Variants in ABLIM2 observed in about 807,000 individuals in gnomAD.
ABLIM2 encodes the protein actin binding LIM protein family member 2.
In ABLIM2, 53 loss-of-function variants were observed where a neutral mutation model predicts 97.7. That is an observed-to-expected ratio of 0.54 (90% CI 0.44 to 0.68). ABLIM2 has a LOEUF of 0.68. Ranked by LOEUF, ABLIM2 falls within the 30% of genes least tolerant of loss-of-function variation. ABLIM2 has a pLI of 0.00. For synonymous variants in ABLIM2, 361 were observed against 345.8 expected (o/e 1.04, Z -0.49); for missense variants, 835 against 867.2 (o/e 0.96, Z 0.47).
chr4:8,084,327 G>T (rs1821889951), intron 4 of ABLIM2, among the ~76,000 whole-genome samples: 2 of 152,184 alleles, frequency 1.3e-5, no homozygotes, highest in Non-Finnish European at 2.9e-5. Context: ...GGCGCACCCA[G>T]GGGTTCTCCT....
At chr4:8,039,874 GTTTTTTT>G (rs397947626) in intron 9 of ABLIM2, among the ~76,000 whole-genome samples, 37 of 108,630 alleles carry the variant, frequency 3.4e-4, no homozygotes, top group African/African-American at 1.2e-3. Flanking sequence ...GCTGATTACT[GTTTTTTT>G]TTTTTTTTTT....
intron 8 of ABLIM2, among the ~76,000 whole-genome samples, chr4:8,047,760 G>A (rs903242703): frequency 2.0e-5 from 3 of 152,210 alleles, no homozygotes; most frequent in Non-Finnish European, 2.9e-5. Context: ...CTCCCTGAAC[G>A]GGCTTACCGT....
chr4:8,099,433 G>T (rs931427829), intron 2 of ABLIM2, among the ~76,000 whole-genome samples: 1 of 152,168 alleles, frequency 6.6e-6, no homozygotes, highest in African/African-American at 2.4e-5. Flanking sequence ...CCAGTGCTGT[G>T]AGTCCACTCC....
In ABLIM2 at chr4:8,006,881, G is replaced by C. The variant is rs539364680; in HGVS notation, c.1618+1178C>G. ...CTCCCTCTGGGGGATTTTTGCAGGG[G>C]GGGGGTGGCTTTCCCATGGTGACAT... On this transcript the variant is annotated intron_variant, in intron 16 of 20. Coordinates refer to ENST00000447017, the MANE Select transcript of ABLIM2 (RefSeq NM_001130083.2). The C allele has an allele frequency of 5.0e-5, 19 of 377,750 alleles. 1 individual carries two copies. The South Asian group carries it at 1.1e-3, about 22-fold the overall frequency. 23.4% of individuals were successfully genotyped at this position (377,750 alleles called of 1,614,324 possible). A position where few individuals can be genotyped will look rare whatever the true frequency, so the allele number is the denominator to read the frequency against.
intron 16 of ABLIM2, 119 bp from the exon 17 acceptor site, chr4:7,993,046 CCCCCTGAGGACCATGACCTG>C: frequency 9.9e-7 from 1 of 1,010,202 alleles, no homozygotes; most frequent in South Asian, 1.4e-5. Context: ...ACAGGGGAGG[CCCCCTGAGGACCATGACCTG>C]CCTCAGTGGT....
At chr4:8,014,288 C>T (rs146054861) in intron 14 of ABLIM2, among the ~76,000 whole-genome samples, 1 of 152,374 alleles carries the variant, frequency 6.6e-6, no homozygotes, top group East Asian at 1.9e-4. Flanking sequence ...GCCCTCTCCA[C>T]TCCTGGGACT....
intron 17 of ABLIM2, among the ~76,000 whole-genome samples, chr4:7,991,674 C>G (rs1279211284): frequency 6.6e-6 from 1 of 152,200 alleles, no homozygotes; most frequent in Non-Finnish European, 1.5e-5. Context: ...CAGTTAGGCC[C>G]ATTCCAGAAT....
chr4:8,141,881 T>C (rs761022597), intron 1 of ABLIM2, among the ~76,000 whole-genome samples: 1 of 152,198 alleles, frequency 6.6e-6, no homozygotes, highest in Non-Finnish European at 1.5e-5. Context: ...GCCTGCACTT[T>C]GAGTAGAGAG....
intron 20 of ABLIM2, among the ~76,000 whole-genome samples, chr4:7,976,409 G>T (rs1309779918): frequency 6.6e-6 from 1 of 152,150 alleles, no homozygotes; most frequent in Non-Finnish European, 1.5e-5. Flanking sequence ...CAGCCAATCT[G>T]GGCTTCACCA....
In ABLIM2 at chr4:8,071,279, G is replaced by C. The variant is rs970118986; in HGVS notation, c.675+6349C>G. 6.6e-6 allele frequency among the ~76,000 whole-genome samples: 1 copy of C among 152,132 alleles called. No individual in the cohort carries two copies. The highest frequency in any genetic ancestry group is 2.4e-5 in the African/African-American group (1 of 41,434). On this transcript the variant is annotated intron_variant, in intron 6 of 20. Transcript: ENST00000447017. The surrounding 1 kb of genome is among the most constrained non-coding windows in gnomAD (Gnocchi z 6.2). ...TCCCTAGCCAGCCATCCCGGCCCAG[G>C]AGTGGGACACAGATATCAGCCCCTC...
chr4:8,097,331 C>T (rs1403606853), intron 2 of ABLIM2, 49 bp from the exon 3 acceptor site: 1 of 1,543,964 alleles, frequency 6.5e-7, no homozygotes, highest in Admixed American at 2.0e-5. Context: ...GGACCATCTC[C>T]ACGTCCCCCA....
At chr4:8,060,797 G>A (rs977998123) in intron 7 of ABLIM2, among the ~76,000 whole-genome samples, 170 bp downstream of exon 7, 13 of 152,214 alleles carry the variant, frequency 8.5e-5, no homozygotes, top group Admixed American at 1.3e-4. Context: ...TGACGAGGCT[G>A]GCCTGGCACG....
intron 16 of ABLIM2, among the ~76,000 whole-genome samples, chr4:7,993,203 C>G (rs147295866): frequency 7.9e-5 from 12 of 152,246 alleles, no homozygotes; most frequent in Admixed American, 1.3e-4. Flanking sequence ...GGGACAGGCT[C>G]GGGCCTGGGC....
chr4:8,100,489 G>A (rs1022421601), intron 2 of ABLIM2, among the ~76,000 whole-genome samples: 13 of 152,152 alleles, frequency 8.5e-5, no homozygotes, highest in Non-Finnish European at 7.4e-5. Context: ...GCTCACACCT[G>A]AAATACCAGC....
intron 3 of ABLIM2, among the ~76,000 whole-genome samples, chr4:8,089,732 CAAAAAAAAAA>C (rs58396378): frequency 2.3e-5 from 2 of 87,672 alleles, no homozygotes; most frequent in Non-Finnish European, 4.6e-5. Context: ...AGATTCATAT[CAAAAAAAAAA>C]AAAAAAAAAA....
At chr4:8,105,835 G>C (rs4696759) in intron 2 of ABLIM2, among the ~76,000 whole-genome samples, 61,688 of 152,104 alleles carry the variant, frequency 0.41, 12,888 homozygotes, top group Non-Finnish European at 0.44. Flanking sequence ...AAATTAGCAA[G>C]GGCACATGCG....
intron 8 of ABLIM2, among the ~76,000 whole-genome samples, chr4:8,051,632 C>G (rs1330919008): frequency 6.6e-6 from 1 of 151,310 alleles, no homozygotes; most frequent in East Asian, 1.9e-4. Context: ...GGTCCTTGGG[C>G]AGTTTTCGTT....
rs1475137178 is a variant in ABLIM2 at position 7,986,458 on chromosome 4, C to G, written c.1681-1565G>C. Among the ~76,000 whole-genome samples, 1 of 152,212 alleles carries G rather than the reference C, an allele frequency of 6.6e-6. No homozygotes were observed. The highest frequency in any genetic ancestry group is 1.5e-5 in the Non-Finnish European group (1 of 68,038). On this transcript the variant is annotated intron_variant, in intron 17 of 20. Transcript: ENST00000447017. The surrounding 1 kb of genome is among the most constrained non-coding windows in gnomAD (Gnocchi z 4.3). Reference sequence around the variant, plus strand: ...TAAGCACCCAGGCAGAGGACTGGAACTGGTCTCTATTTACATTTTTGCTAT... The same window carrying G: ...TAAGCACCCAGGCAGAGGACTGGAAGTGGTCTCTATTTACATTTTTGCTAT...
intron 1 of ABLIM2, among the ~76,000 whole-genome samples, chr4:8,152,620 C>T (rs1374190644): frequency 6.6e-6 from 1 of 152,230 alleles, no homozygotes; most frequent in Non-Finnish European, 1.5e-5. Context: ...TGGGTGCGAG[C>T]CTCGGAGGTC....
Sources: allele counts gnomAD v4.1 joint callset (sites outside exome capture counted in the v4.1 genomes callset), GRCh38; gene constraint gnomAD v4.1.1; non-coding constraint Gnocchi (gnomAD v3.1); transcripts MANE v1.5; gene names NCBI Gene and HGNC (gene_info 2026-07-23, HGNC 2026-07-21).